Variants in PRPF6 observed in about 807,000 individuals in gnomAD.
PRPF6 encodes pre-mRNA processing factor 6, also known as pre-mRNA-processing factor 6.
Under a neutral mutation model 118.3 loss-of-function variants are expected in PRPF6, and 42 were observed. The ratio of observed to expected loss-of-function variants is 0.35; its 90% CI spans 0.28 to 0.46. PRPF6 has a LOEUF of 0.46. Among genes scored for constraint, PRPF6 ranks in the 20% least tolerant of loss-of-function variants. The probability of loss-of-function intolerance (pLI) is 1.00; values close to 1 mark genes in which losing one functional copy is unlikely to be tolerated. For synonymous variants in PRPF6, 481 were observed against 485.1 expected (o/e 0.99, Z 0.11); for missense variants, 662 against 1,255.7 (o/e 0.53, Z 7.15).
At chr20:64,005,769 C>T (rs572244486) in intron 9 of PRPF6, among the ~76,000 whole-genome samples, 14 of 152,172 alleles carry the variant, frequency 9.2e-5, no homozygotes, top group Non-Finnish European at 1.9e-4. Context: ...GGATCTTGCT[C>T]TGTTGCCTAG....
At chr20:64,032,116 G>A in intron 20 of PRPF6, 72 bp downstream of exon 20, 1 of 1,607,736 alleles carries the variant, frequency 6.2e-7, no homozygotes, top group Non-Finnish European at 8.5e-7. Flanking sequence ...AGCCCTGGGG[G>A]CTCTAGGAGG....
At chr20:64,013,286 T>G (rs915463394) in intron 11 of PRPF6, among the ~76,000 whole-genome samples, 3 of 152,186 alleles carry the variant, frequency 2.0e-5, no homozygotes, top group African/African-American at 7.2e-5. Flanking sequence ...ATGATCTAAC[T>G]TAGGAAGTAG....
intron 3 of PRPF6, among the ~76,000 whole-genome samples, chr20:63,989,190 C>G (rs550738072): frequency 1.3e-5 from 2 of 152,100 alleles, no homozygotes; most frequent in Non-Finnish European, 2.9e-5. Context: ...TATCTATATA[C>G]AGAAGAATGA....
chr20:64,016,879 T>C (rs763259076), intron 12 of PRPF6, 34 bp downstream of exon 12: 2 of 1,613,616 alleles, frequency 1.2e-6, no homozygotes, highest in Admixed American at 1.7e-5. Context: ...GTCCGTAATA[T>C]GGAGTCTCTG....
chr20:64,011,443 C>T lies in PRPF6; in HGVS notation c.1464C>T (p.Asp488=), dbSNP rs1356350905. The T allele has an allele frequency of 6.2e-7, 1 of 1,614,192 alleles. No homozygotes were observed. The highest frequency in any genetic ancestry group is 1.1e-5 in the South Asian group (1 of 91,082). ...CGCAGATGGTGGAGAAGATCATCGA[C>T]CGAGCCATCACCTCGCTGCGGGCCA... ...GNTQMVEKII[D]RAITSLRANG... is the part of the protein sequence containing the mutation. The change falls in exon 11 of 21, where the codon GAC becomes GAT. Residue 488 remains aspartate (D), a synonymous_variant. Transcript: ENST00000266079. This position sits in a 1 kb window ranked among gnomAD's most constrained non-coding sequence, Gnocchi z 6.7.
At chr20:64,016,525 A>G (rs1011847205) in intron 11 of PRPF6, among the ~76,000 whole-genome samples, 198 bp from the exon 12 acceptor site, 2 of 152,196 alleles carry the variant, frequency 1.3e-5, no homozygotes, top group African/African-American at 2.4e-5. Context: ...CAGTGTGCCT[A>G]TGTCCTTTGT....
chr20:64,009,302 A>AG (rs1449069637), intron 9 of PRPF6, among the ~76,000 whole-genome samples: 1 of 150,818 alleles, frequency 6.6e-6, no homozygotes, highest in African/African-American at 2.4e-5. Context: ...AAAAAAAAAA[A>AG]AGAGAGGTAT....
At chr20:63,992,283 C>T (rs939901423) in intron 3 of PRPF6, among the ~76,000 whole-genome samples, 3 of 151,692 alleles carry the variant, frequency 2.0e-5, no homozygotes, top group Admixed American at 6.6e-5. Flanking sequence ...TTTTTTGAGA[C>T]GAAGTTTCAC....
At chr20:63,981,553 G>A (rs2059067264) in intron 1 of PRPF6, among the ~76,000 whole-genome samples, 1 of 152,190 alleles carries the variant, frequency 6.6e-6, no homozygotes, top group South Asian at 2.1e-4. Flanking sequence ...CTGTAAGATG[G>A]GTAATGCTGT....
chr20:64,032,151 C>G (rs1601536442), intron 20 of PRPF6, 107 bp downstream of exon 20: 1 of 1,558,282 alleles, frequency 6.4e-7, no homozygotes, highest in Non-Finnish European at 8.8e-7. Context: ...GTGACTCTGC[C>G]CGGGGTCGGG....
At chr20:64,000,477 CAAA>C (rs1601517469) in intron 8 of PRPF6, among the ~76,000 whole-genome samples, 1 of 142,864 alleles carries the variant, frequency 7.0e-6, no homozygotes, top group Non-Finnish European at 1.5e-5. Flanking sequence ...AAAAAAACAA[CAAA>C]AAAGAACGAC....
Position 64,032,823 on chromosome 20 carries a change from G to T in PRPF6, c.2674-18G>T. ...GCGTGGGAGGACCCCTGCCTGACGTGCCCTGTGGTCCCCCCAGGAGCAGCA... is the reference window on the plus strand; with the variant it reads ...GCGTGGGAGGACCCCTGCCTGACGTTCCCTGTGGTCCCCCCAGGAGCAGCA... On this transcript the variant is annotated intron_variant, in intron 20 of 20. Coordinates refer to ENST00000266079, the MANE Select transcript of PRPF6 (RefSeq NM_012469.4). The T allele has an allele frequency of 1.9e-6, 3 of 1,599,248 alleles. No individual in the cohort carries two copies. The highest frequency in any genetic ancestry group is 1.7e-6 in the Non-Finnish European group (2 of 1,174,282).
At chr20:63,999,318 A>G (rs1045402141) in intron 7 of PRPF6, among the ~76,000 whole-genome samples, 179 bp downstream of exon 7, 25 of 152,336 alleles carry the variant, frequency 1.6e-4, no homozygotes, top group South Asian at 6.2e-4. Flanking sequence ...CGTACACTCA[A>G]TGTGTTACAT....
chr20:64,029,391 G>A lies in PRPF6; in HGVS notation c.2446G>A (p.Glu816Lys). Residue 816 changes from glutamate (E) to lysine (K), a missense_variant, in exon 19 of 21, where the codon GAG becomes AAG. Coordinates refer to ENST00000266079, the MANE Select transcript of PRPF6 (RefSeq NM_012469.4). The surrounding 1 kb of genome is among the most constrained non-coding windows in gnomAD (Gnocchi z 4.8). ...ECPNSGILWS[E>K]AIFLEARPQR... ...CTGAATTATAGGTATCCTGTGGTCT[G>A]AGGCCATCTTCCTCGAGGCAAGGCC... 6.2e-7 allele frequency: 1 copy of A among 1,614,158 alleles called. No individual in the cohort carries two copies. The highest frequency in any genetic ancestry group is 8.5e-7 in the Non-Finnish European group (1 of 1,180,016).
At chr20:64,020,994 T>C (rs1257534117) in intron 12 of PRPF6, among the ~76,000 whole-genome samples, 2 of 152,206 alleles carry the variant, frequency 1.3e-5, no homozygotes, top group Non-Finnish European at 2.9e-5. Flanking sequence ...ACCATGTTGG[T>C]CAGGCTGATC....
At chr20:64,013,299 C>CTTGG (rs2123057035) in intron 11 of PRPF6, among the ~76,000 whole-genome samples, 1 of 152,278 alleles carries the variant, frequency 6.6e-6, no homozygotes, top group Non-Finnish European at 1.5e-5. Context: ...GGAAGTAGGG[C>CTTGG]TTGGGTTCCC....
intron 3 of PRPF6, among the ~76,000 whole-genome samples, chr20:63,987,371 G>A (rs935232662): frequency 6.6e-6 from 1 of 151,842 alleles, no homozygotes; most frequent in Admixed American, 6.6e-5. Context: ...GTTGGGTGTG[G>A]TGGCTCAGGC....
chr20:64,002,726 C>T (rs1481151610), intron 9 of PRPF6, among the ~76,000 whole-genome samples: 1 of 151,548 alleles, frequency 6.6e-6, no homozygotes, highest in Non-Finnish European at 1.5e-5. Context: ...TCACTGCAAC[C>T]TCCGCCTCCT....
chr20:63,994,047 G>T (rs1432619947), intron 4 of PRPF6, among the ~76,000 whole-genome samples: 1 of 151,998 alleles, frequency 6.6e-6, no homozygotes. Flanking sequence ...ACCACGTCTG[G>T]CCCCATTTAT....
Sources: allele counts gnomAD v4.1 joint callset (sites outside exome capture counted in the v4.1 genomes callset), GRCh38; gene constraint gnomAD v4.1.1; non-coding constraint Gnocchi (gnomAD v3.1); transcripts MANE v1.5; gene names NCBI Gene and HGNC (gene_info 2026-07-23, HGNC 2026-07-21).